Variants in USH2A observed in about 807,000 individuals in gnomAD.
The protein encoded by USH2A is Usher syndrome 2A (autosomal recessive, mild).
A neutral mutation model predicts 538.9 loss-of-function variants in USH2A; 443 were observed. The observed-to-expected ratio is 0.82, with a 90% CI of 0.76 to 0.89. The LOEUF (loss-of-function observed/expected upper bound fraction) is 0.89. USH2A is among the 40% of genes least tolerant of loss of function. The probability of loss-of-function intolerance (pLI) is 0.00; values close to 1 mark genes in which losing one functional copy is unlikely to be tolerated. For synonymous variants in USH2A, 2,413 were observed against 2,273.5 expected (o/e 1.06, Z -1.75); for missense variants, 6,633 against 6,324.8 (o/e 1.05, Z -1.65).
chr1:215,684,839 C>T (rs908036363), intron 61 of USH2A, among the ~76,000 whole-genome samples: 1 of 152,042 alleles, frequency 6.6e-6, no homozygotes, highest in Admixed American at 6.6e-5. Flanking sequence ...GTTCCCTTGC[C>T]TCCTTAGTTA....
intron 38 of USH2A, among the ~76,000 whole-genome samples, chr1:215,902,568 C>A (rs1270943409): frequency 1.3e-5 from 2 of 152,028 alleles, no homozygotes; most frequent in Non-Finnish European, 2.9e-5. Context: ...ACAATAATAC[C>A]AGGTGGCCAT....
intron 61 of USH2A, among the ~76,000 whole-genome samples, chr1:215,682,202 T>C (rs1438912604): frequency 6.6e-6 from 1 of 152,156 alleles, no homozygotes; most frequent in Non-Finnish European, 1.5e-5. Flanking sequence ...TATTCAGTAA[T>C]AGATGCCAAA....
chr1:215,801,201 A>G (rs1202994354), intron 49 of USH2A, among the ~76,000 whole-genome samples: 1 of 152,086 alleles, frequency 6.6e-6, no homozygotes, highest in Non-Finnish European at 1.5e-5. Flanking sequence ...TGAAAGACGG[A>G]AAACTTTTCC....
At chr1:215,704,156 A>G (rs975930577) in intron 61 of USH2A, among the ~76,000 whole-genome samples, 7 of 152,184 alleles carry the variant, frequency 4.6e-5, no homozygotes, top group African/African-American at 1.7e-4. Flanking sequence ...CTGTCCAACC[A>G]GTCCCAGTGG....
chr1:215,787,834 A>G (rs1351577672), intron 51 of USH2A, among the ~76,000 whole-genome samples: 2 of 152,094 alleles, frequency 1.3e-5, no homozygotes, highest in African/African-American at 4.8e-5. Context: ...ACTTGAGGTC[A>G]GGATTTCGAG....
rs768652026 is a variant in USH2A, at chr1:216,414,047, A to G, written c.651+4467T>C. ...GAAATGCTAAAGTAAATTTTTTTACATATTTCAAAACTTTTATAAGAGTAA... is the reference window on the plus strand; with the variant it reads ...GAAATGCTAAAGTAAATTTTTTTACGTATTTCAAAACTTTTATAAGAGTAA... On this transcript the variant is annotated intron_variant, in intron 3 of 71. Coordinates refer to ENST00000307340, the MANE Select transcript of USH2A (RefSeq NM_206933.4). 3.9e-5 allele frequency among the ~76,000 whole-genome samples: 6 copies of G among 152,280 alleles called. No homozygotes were observed. In the East Asian group the frequency reaches 1.2e-3, roughly 29 times the overall value.
chr1:215,810,779 T>C (rs766912473), intron 49 of USH2A, among the ~76,000 whole-genome samples: 1 of 152,168 alleles, frequency 6.6e-6, no homozygotes, highest in Non-Finnish European at 1.5e-5. Context: ...TCGTGAGCTG[T>C]AGTATGAAGA....
chr1:215,845,766 G>T (rs1256780351), intron 45 of USH2A, 58 bp downstream of exon 45: 1 of 1,566,606 alleles, frequency 6.4e-7, no homozygotes, highest in Non-Finnish European at 8.8e-7. Flanking sequence ...ACCCCGGCAA[G>T]AATCAATCAA....
At chr1:215,850,430 T>C (rs1663986002) in intron 44 of USH2A, among the ~76,000 whole-genome samples, 1 of 152,124 alleles carries the variant, frequency 6.6e-6, no homozygotes, top group African/African-American at 2.4e-5. Context: ...CTGGGCCCCA[T>C]GCATCTGGAC....
intron 35 of USH2A, among the ~76,000 whole-genome samples, chr1:215,974,547 T>C (rs1171664844): frequency 6.6e-6 from 1 of 152,152 alleles, no homozygotes; most frequent in Non-Finnish European, 1.5e-5. Flanking sequence ...TGTCCATGAA[T>C]ACCCAATGTT....
Position 215,630,472 on chromosome 1 carries a change from ATGTG to A in USH2A, c.15298-1441_15298-1438del, listed in dbSNP as rs200498400. 9.8e-4 allele frequency among the ~76,000 whole-genome samples: 63 copies of A among 64,068 alleles called. 1 individual carries two copies. Among genetic ancestry groups the A allele is most frequent in the African/African-American group, 3.1e-3 (58 of 18,712 alleles). The allele number at this position is 64,068 out of a possible 152,430, so 42.0% of individuals were successfully genotyped here. ...TATATGTGAATATATATGTATGTGT[ATGTG>A]TGTGTGTATATATATATATATATAT... On this transcript the variant is annotated intron_variant, in intron 70 of 71. Coordinates refer to ENST00000307340, the MANE Select transcript of USH2A (RefSeq NM_206933.4).
chr1:215,832,739 T>A (rs1190310976), intron 47 of USH2A, among the ~76,000 whole-genome samples: 2 of 151,722 alleles, frequency 1.3e-5, no homozygotes, highest in Non-Finnish European at 3.0e-5. Context: ...TCCAGTGCAA[T>A]AAGGCAGGAA....
rs559111666 is a variant in USH2A at position 216,100,679 on chromosome 1, G to C, written c.4628-3466C>G. The stretch of plus-strand genomic sequence containing the variant: ...GAGGAGAATAAAAACAAGGAATTGG[G>C]TGTTGGAAGATATCAATAATTGCTC... On this transcript the variant is annotated intron_variant, in intron 21 of 71. Transcript: ENST00000307340. 2.0e-5 allele frequency among the ~76,000 whole-genome samples: 3 copies of C among 152,202 alleles called. No individual in the cohort carries two copies. In the South Asian group the frequency reaches 6.2e-4, roughly 32 times the overall value.
At chr1:215,843,421 A>G (rs753100758) in intron 46 of USH2A, among the ~76,000 whole-genome samples, 12 of 152,132 alleles carry the variant, frequency 7.9e-5, no homozygotes, top group South Asian at 4.1e-4. Context: ...AAGATTTCCA[A>G]TTCCGTGAAG....
At chr1:215,657,927 ATTTTTTTTTTT>A (rs59977028) in intron 64 of USH2A, among the ~76,000 whole-genome samples, 1 of 97,752 alleles carries the variant, frequency 1.0e-5, no homozygotes, top group Non-Finnish European at 2.2e-5. Context: ...ATTTGCCCTG[ATTTTTTTTTTT>A]TTTTTTTTTG....
intron 38 of USH2A, among the ~76,000 whole-genome samples, chr1:215,914,608 A>G (rs1235227682): frequency 6.6e-6 from 1 of 152,128 alleles, no homozygotes; most frequent in Admixed American, 6.5e-5. Context: ...TTCTCCCCCT[A>G]GAAGGTGAAA....
At chr1:215,640,425 T>C in intron 68 of USH2A, 133 bp downstream of exon 68, 1 of 1,195,656 alleles carries the variant, frequency 8.4e-7, no homozygotes, top group South Asian at 1.3e-5. Flanking sequence ...CAGTAACTTT[T>C]TCACAAGAAG....
intron 49 of USH2A, among the ~76,000 whole-genome samples, chr1:215,811,187 C>G (rs974292495): frequency 6.6e-6 from 1 of 152,174 alleles, no homozygotes; most frequent in Non-Finnish European, 1.5e-5. Context: ...AGTTTAACTT[C>G]GAAACACTGA....
At chr1:216,170,415 C>G (rs1200100644) in intron 21 of USH2A, among the ~76,000 whole-genome samples, 1 of 151,982 alleles carries the variant, frequency 6.6e-6, no homozygotes, top group Non-Finnish European at 1.5e-5. Context: ...TTCTCATCTG[C>G]AAGATATTCA....
Sources: allele counts gnomAD v4.1 joint callset (sites outside exome capture counted in the v4.1 genomes callset), GRCh38; gene constraint gnomAD v4.1.1; transcripts MANE v1.5; gene names NCBI Gene and HGNC (gene_info 2026-07-23, HGNC 2026-07-21).